Variants in CHST11 observed in about 807,000 individuals in gnomAD.
CHST11 encodes C4S-1.
In CHST11, 9 loss-of-function variants were observed where a neutral mutation model predicts 30.4. The ratio of observed to expected loss-of-function variants is 0.30; its 90% CI spans 0.18 to 0.52. The LOEUF (loss-of-function observed/expected upper bound fraction) is 0.52. Ranked by LOEUF, CHST11 falls within the 20% of genes least tolerant of loss-of-function variation. The probability of loss-of-function intolerance (pLI) is 0.97; values close to 1 mark genes in which losing one functional copy is unlikely to be tolerated. For synonymous variants in CHST11, 152 were observed against 187.8 expected (o/e 0.81, Z 1.56); for missense variants, 348 against 460.6 (o/e 0.76, Z 2.24).
intron 2 of CHST11, among the ~76,000 whole-genome samples, chr12:104,642,693 C>T (rs1314864652): frequency 1.3e-5 from 2 of 152,050 alleles, no homozygotes; most frequent in African/African-American, 4.8e-5. Context: ...AGCCACTACA[C>T]CCAGCCTGTT....
chr12:104,504,808 T>G (rs573822375), intron 1 of CHST11, among the ~76,000 whole-genome samples: 12 of 152,094 alleles, frequency 7.9e-5, no homozygotes, highest in African/African-American at 2.9e-4. Flanking sequence ...CCCCCTGTCT[T>G]GAAAAATAAG....
At chr12:104,596,567 G>A (rs2136043578) in intron 1 of CHST11, among the ~76,000 whole-genome samples, 1 of 102,932 alleles carries the variant, frequency 9.7e-6, no homozygotes, top group South Asian at 3.9e-4. Flanking sequence ...GACGTGGGTT[G>A]TCAATTTGCT....
intron 2 of CHST11, among the ~76,000 whole-genome samples, chr12:104,709,939 A>G (rs949559519): frequency 2.0e-5 from 3 of 152,216 alleles, no homozygotes; most frequent in Non-Finnish European, 2.9e-5. Context: ...GCTCATGCTT[A>G]TAATCCCAGC....
intron 1 of CHST11, among the ~76,000 whole-genome samples, chr12:104,574,788 C>T (rs1276353354): frequency 1.3e-5 from 2 of 150,626 alleles, no homozygotes; most frequent in Non-Finnish European, 2.9e-5. Flanking sequence ...AGCACACCAA[C>T]ATGGCACATG....
chr12:104,584,537 G>A (rs533017495), intron 1 of CHST11, among the ~76,000 whole-genome samples: 2 of 152,196 alleles, frequency 1.3e-5, no homozygotes, highest in African/African-American at 2.4e-5. Context: ...GATTACAGGC[G>A]TGAGCCACCA....
chr12:104,646,378 A>C (rs989141720), intron 2 of CHST11, among the ~76,000 whole-genome samples: 5 of 152,180 alleles, frequency 3.3e-5, no homozygotes, highest in African/African-American at 1.2e-4. Flanking sequence ...ACCTTTCCCT[A>C]ACCTCCCTAA....
At chr12:104,513,374 C>G (rs1309039767) in intron 1 of CHST11, among the ~76,000 whole-genome samples, 1 of 152,132 alleles carries the variant, frequency 6.6e-6, no homozygotes, top group African/African-American at 2.4e-5. Context: ...GGAGGTAAAT[C>G]TCCCCCACCC....
intron 1 of CHST11, among the ~76,000 whole-genome samples, chr12:104,584,949 G>A (rs761070946): frequency 4.6e-5 from 7 of 152,232 alleles, no homozygotes; most frequent in Non-Finnish European, 1.0e-4. Flanking sequence ...TGCAGTGCAC[G>A]TGGGGAGATT....
At chr12:104,543,981 G>A (rs986584645) in intron 1 of CHST11, among the ~76,000 whole-genome samples, 1 of 151,770 alleles carries the variant, frequency 6.6e-6, no homozygotes, top group African/African-American at 2.4e-5. Flanking sequence ...AAAATTAGCC[G>A]AGCCTGGTGG....
chr12:104,528,834 G>T (rs1246549095), intron 1 of CHST11, among the ~76,000 whole-genome samples: 1 of 152,224 alleles, frequency 6.6e-6, no homozygotes, highest in East Asian at 1.9e-4. Context: ...TCCTTGTGCT[G>T]CAGTGTCCCC....
intron 2 of CHST11, among the ~76,000 whole-genome samples, chr12:104,743,765 C>T (rs1446886795): frequency 1.3e-5 from 2 of 152,124 alleles, no homozygotes; most frequent in African/African-American, 4.8e-5. Flanking sequence ...TCCCTCCTCC[C>T]ACCTTCCACC....
At chr12:104,555,248 A>C (rs181727094) in intron 1 of CHST11, among the ~76,000 whole-genome samples, 49 of 152,344 alleles carry the variant, frequency 3.2e-4, no homozygotes, top group Non-Finnish European at 5.6e-4. Context: ...CCATGTCTCT[A>C]TTCTCTGGTG....
chr12:104,585,191 A>G (rs935944809), intron 1 of CHST11, among the ~76,000 whole-genome samples: 9 of 152,118 alleles, frequency 5.9e-5, no homozygotes, highest in African/African-American at 1.9e-4. Flanking sequence ...TCTGGAGAAA[A>G]GATGCTCACA....
chr12:104,614,968 A>T (rs1371715609), intron 2 of CHST11, among the ~76,000 whole-genome samples: 1 of 152,152 alleles, frequency 6.6e-6, no homozygotes, highest in Non-Finnish European at 1.5e-5. Flanking sequence ...ACGAAACCTG[A>T]GTTCCACTGT....
chr12:104,653,554 C>T (rs2039514603), intron 2 of CHST11, among the ~76,000 whole-genome samples: 1 of 152,158 alleles, frequency 6.6e-6, no homozygotes, highest in Non-Finnish European at 1.5e-5. Context: ...AGAAAACAAA[C>T]GCCGTCTCCC....
chr12:104,730,926 AG>A (rs1329085953), intron 2 of CHST11, among the ~76,000 whole-genome samples: 1 of 152,136 alleles, frequency 6.6e-6, no homozygotes, highest in Non-Finnish European at 1.5e-5. Flanking sequence ...CCCAGCTGTG[AG>A]GTAGTTAACT....
intron 2 of CHST11, among the ~76,000 whole-genome samples, chr12:104,627,134 G>A (rs1592802438): frequency 1.3e-5 from 2 of 152,198 alleles, no homozygotes; most frequent in African/African-American, 2.4e-5. Context: ...TTTGTAATAT[G>A]CATTTACATT....
In CHST11 at chr12:104,605,268, T is replaced by C. The variant is rs376527804; in HGVS notation, c.204+3277T>C. 4.6e-5 allele frequency among the ~76,000 whole-genome samples: 7 copies of C among 152,190 alleles called. No homozygotes were observed. In the South Asian group the frequency reaches 1.5e-3, roughly 32 times the overall value. On this transcript the variant is annotated intron_variant, in intron 2 of 2. Transcript: ENST00000303694. Reference sequence around the variant, plus strand: ...CTGGCTATAATATGGGGAAATTGGCTATAATCTGATTTGAGTGTACAGAGT... The same window carrying C: ...CTGGCTATAATATGGGGAAATTGGCCATAATCTGATTTGAGTGTACAGAGT...
intron 2 of CHST11, among the ~76,000 whole-genome samples, chr12:104,618,662 C>T (rs1269679697): frequency 6.6e-6 from 1 of 152,146 alleles, no homozygotes; most frequent in African/African-American, 2.4e-5. Flanking sequence ...GTTTCTTTTG[C>T]CCAGTGACTT....
Sources: allele counts gnomAD v4.1 joint callset (sites outside exome capture counted in the v4.1 genomes callset), GRCh38; gene constraint gnomAD v4.1.1; transcripts MANE v1.5; gene names NCBI Gene and HGNC (gene_info 2026-07-23, HGNC 2026-07-21).